Variants in KLHL33 observed in about 807,000 individuals in gnomAD.
KLHL33 encodes kelch-like protein 33.
A neutral mutation model predicts 60.8 loss-of-function variants in KLHL33; 46 were observed. That is an observed-to-expected ratio of 0.76 (90% CI 0.60 to 0.97). The LOEUF (loss-of-function observed/expected upper bound fraction) is 0.97, where lower values mean the gene tolerates loss of function less well. Ranked by LOEUF, KLHL33 falls within the 50% of genes least tolerant of loss-of-function variation. The probability of loss-of-function intolerance (pLI) is 0.00; values close to 1 mark genes in which losing one functional copy is unlikely to be tolerated. For missense variants in KLHL33, 1,055 were observed against 1,000.0 expected (o/e 1.05, Z -0.74); for synonymous variants, 434 against 432.2 (o/e 1.00, Z -0.05).
At position 20,435,689 on chromosome 14, in the gene KLHL33, G is replaced by A. The variant is rs1200296406; in HGVS notation, c.123C>T (p.Pro41=). The change falls in exon 2 of 5, where the codon CCC becomes CCT. Residue 41 remains proline, a synonymous_variant. Transcript: ENST00000636854. ...AQRTPSWPPS[P]DEDPRLPSFP... is the part of the protein sequence containing the mutation. Reference sequence around the variant, plus strand: ...AGGAAGGCAATCTGGGATCCTCGTCGGGGGAGGGAGGCCAGGAAGGGGTTC... The same window carrying A: ...AGGAAGGCAATCTGGGATCCTCGTCAGGGGAGGGAGGCCAGGAAGGGGTTC... 6 of 1,234,758 alleles carry A rather than the reference G, an allele frequency of 4.9e-6. No individual in the cohort carries two copies. The highest frequency in any genetic ancestry group is 6.1e-6 in the Non-Finnish European group (6 of 988,568). The allele number at this position is 1,234,758 out of a possible 1,614,324, so 76.5% of individuals were successfully genotyped here. A position where few individuals can be genotyped will look rare whatever the true frequency, so the allele number is the denominator to read the frequency against.
In KLHL33 at chr14:20,435,559, C is replaced by A; in HGVS notation, c.253G>T (p.Ala85Ser). ...TCGCTGCGCAGCCACTCGGGCTCTG[C>A]CGCATCTTCATCTTCTTCCTCTTCC... ...EEEEEEDEDA[A>S]EPEWLRSEEH... The change falls in exon 2 of 5, where the codon GCA (alanine) becomes TCA (serine). Residue 85 changes from alanine to serine, a missense_variant. By Grantham distance (99) the Ala-to-Ser change is moderately conservative. Coordinates refer to ENST00000636854, the MANE Select transcript of KLHL33 (RefSeq NM_001365790.2). The A allele has an allele frequency of 3.2e-6, 4 of 1,234,838 alleles. No homozygotes were observed. Among genetic ancestry groups the A allele is most frequent in the Non-Finnish European group, 4.0e-6 (4 of 988,508 alleles). The allele number at this position is 1,234,838 out of a possible 1,614,324, so 76.5% of individuals were successfully genotyped here.
rs1205406883 is a variant in KLHL33, at chr14:20,434,471, G to A, written c.748+593C>T. Among the ~76,000 whole-genome samples, 14 of 152,164 alleles carry A rather than the reference G, an allele frequency of 9.2e-5. No individual in the cohort carries two copies. In the East Asian group the frequency reaches 2.5e-3, roughly 27 times the overall value. Reference sequence around the variant, plus strand: ...CAGGACAATCACTTGAACCCAGGAGGTGCAGGTTGCAGTGAGCCAAGATTG... The same window carrying A: ...CAGGACAATCACTTGAACCCAGGAGATGCAGGTTGCAGTGAGCCAAGATTG... On this transcript the variant is annotated intron_variant, in intron 2 of 4. Transcript: ENST00000636854.
At position 20,428,940 on chromosome 14, in the gene KLHL33, C is replaced by T. The variant is rs766184162; in HGVS notation, c.2303G>A (p.Arg768Gln). Residue 768 changes from arginine (R) to glutamine (Q), a missense_variant, in exon 5 of 5, where the codon CGG (arginine) becomes CAG (glutamine). Arg to Gln is a conservative substitution (Grantham distance 43). Transcript: ENST00000636854. Reference protein sequence around the residue: ...WLCLGTLPRPRAEMPACILTL... With the variant: ...WLCLGTLPRPQAEMPACILTL... ...CAGGATGCAGGCAGGCATCTCAGCC[C>T]GAGGCCTTGGCAGAGTTCCCAGGCA... is the stretch of plus-strand genomic sequence containing the variant. The T allele has an allele frequency of 5.2e-6, 8 of 1,551,522 alleles. No individual in the cohort carries two copies. The highest frequency in any genetic ancestry group is 2.7e-5 in the African/African-American group (2 of 73,056).
chr14:20,432,960 A>AAGAAAGAG (rs1880563655), intron 2 of KLHL33, among the ~76,000 whole-genome samples: 3 of 151,530 alleles, frequency 2.0e-5, no homozygotes, highest in African/African-American at 7.3e-5. Flanking sequence ...GAAAGAAAGA[A>AAGAAAGAG]AGAAAGAAAG....
Position 20,429,496 on chromosome 14 carries a change from G to A in KLHL33, c.1841+6C>T. On this transcript the variant is annotated splice_donor_region_variant and intron_variant, in intron 4 of 4. Coordinates refer to ENST00000636854, the MANE Select transcript of KLHL33 (RefSeq NM_001365790.2). The stretch of plus-strand genomic sequence containing the variant: ...ATCTCTCCCAGATGCCCCCTTGCCT[G>A]CTTACCTCCAGACATTGAGCTCAGG... The A allele has an allele frequency of 6.4e-7, 1 of 1,552,068 alleles. No homozygotes were observed. The highest frequency in any genetic ancestry group is 8.7e-7 in the Non-Finnish European group (1 of 1,147,044).
intron 2 of KLHL33, 52 bp from the exon 3 acceptor site, chr14:20,430,771 T>C (rs1880488967): frequency 2.3e-6 from 3 of 1,314,370 alleles, no homozygotes; most frequent in African/African-American, 3.0e-5. Context: ...GCAAGACCGA[T>C]AGGCATTACC....
intron 2 of KLHL33, among the ~76,000 whole-genome samples, chr14:20,431,270 A>G (rs984687655): frequency 2.2e-4 from 34 of 152,170 alleles, no homozygotes; most frequent in African/African-American, 8.2e-4. Flanking sequence ...ATCCAACCTC[A>G]TCGGATTGCT....
At position 20,428,859 on chromosome 14, in the gene KLHL33, G is replaced by C; in HGVS notation, c.2384C>G (p.Pro795Arg). ...ALVPTPHQTK[P>R]AG ...ACTGTTGCTCCCTCTTCACCCAGCA[G>C]GTTTGGTTTGGTGTGGGGTGGGAAC... Residue 795 changes from proline to arginine, a missense_variant, in exon 5 of 5, where the codon CCT becomes CGT. Transcript: ENST00000636854. 6.5e-7 allele frequency: 1 copy of C among 1,550,358 alleles called. No homozygotes were observed. Among genetic ancestry groups the C allele is most frequent in the South Asian group, 1.2e-5 (1 of 84,016 alleles).
chr14:20,430,132 G>T lies in KLHL33; in HGVS notation c.1336C>A (p.Pro446Thr). 1 of 1,551,588 alleles carries T rather than the reference G, an allele frequency of 6.4e-7. No homozygotes were observed. Among genetic ancestry groups the T allele is most frequent in the Non-Finnish European group, 8.7e-7 (1 of 1,147,000 alleles). Residue 446 changes from proline (P) to threonine (T), a missense_variant, in exon 3 of 5, where the codon CCA becomes ACA. Transcript: ENST00000636854. ...TGCAACAGATCTGGGGTCAGGGGTG[G>T]AAGTAGCCCGGCTGCCCGCACCCTC... ...LRRVRAAGLL[P>T]PLTPDLLHQL...
At chr14:20,432,763 A>G (rs1880546577) in intron 2 of KLHL33, among the ~76,000 whole-genome samples, 1 of 152,004 alleles carries the variant, frequency 6.6e-6, no homozygotes, top group Non-Finnish European at 1.5e-5. Context: ...CTCTACAAAA[A>G]ATACAAAAAT....
chr14:20,435,050 C>T lies in KLHL33; in HGVS notation c.748+14G>A, dbSNP rs1376481268. ...TATGCACCTGCAGTAATTTAATGCC[C>T]CACAGGCCCTCACCCGACAGCTGGC... On this transcript the variant is annotated intron_variant, in intron 2 of 4. Transcript: ENST00000636854. 1 of 1,234,472 alleles carries T rather than the reference C, an allele frequency of 8.1e-7. No homozygotes were observed. 76.5% of individuals were successfully genotyped at this position (1,234,472 alleles called of 1,614,324 possible). A position where few individuals can be genotyped will look rare whatever the true frequency, so the allele number is the denominator to read the frequency against.
Position 20,435,334 on chromosome 14 carries a change from C to T in KLHL33, c.478G>A (p.Gly160Ser). The change falls in exon 2 of 5, where the codon GGC (glycine) becomes AGC (serine). Residue 160 changes from glycine (G) to serine (S), a missense_variant. Transcript: ENST00000636854. ...GCAAAGGTCAGCACGGCCTCCCAGC[C>T]CCCTGGGGACACCTCGAGGCTGAAG... The part of the protein sequence containing the change: ...PPFSLEVSPG[G>S]WEAVLTFAYE... 4 of 1,234,320 alleles carry T rather than the reference C, an allele frequency of 3.2e-6. No homozygotes were observed. The highest frequency in any genetic ancestry group is 4.0e-6 in the Non-Finnish European group (4 of 988,132). 76.5% of individuals were successfully genotyped at this position (1,234,320 alleles called of 1,614,324 possible).
Position 20,436,111 on chromosome 14 carries a change from C to T in KLHL33, c.-32G>A, listed in dbSNP as rs1428993243. The stretch of plus-strand genomic sequence containing the variant: ...TCCTTTTAGTCACCCTCAGGAGACA[C>T]CAGCGTTCCGCTTGCCCTCTCACTT... On this transcript the variant is annotated 5_prime_UTR_variant, in exon 1 of 5. In the 5' UTR this introduces an upstream ATG that the reference lacks. Coordinates refer to ENST00000636854, the MANE Select transcript of KLHL33 (RefSeq NM_001365790.2). 3 of 247,178 alleles carry T rather than the reference C, an allele frequency of 1.2e-5. No individual in the cohort carries two copies. Among genetic ancestry groups the T allele is most frequent in the Non-Finnish European group, 2.3e-5 (3 of 130,366 alleles). The allele number at this position is 247,178 out of a possible 1,614,324, so 15.3% of individuals were successfully genotyped here.
chr14:20,430,783 C>G, intron 2 of KLHL33, 64 bp from the exon 3 acceptor site: 1 of 1,190,080 alleles, frequency 8.4e-7, no homozygotes, highest in Non-Finnish European at 1.1e-6. Flanking sequence ...GGCATTACCC[C>G]AACTTGGTAC....
Position 20,429,505 on chromosome 14 carries a change from C to A in KLHL33, c.1838G>T (p.Trp613Leu), listed in dbSNP as rs535379529. ...AGATGCCCCCTTGCCTGCTTACCTC[C>A]AGACATTGAGCTCAGGGTTGTAGGT... ...VETYNPELNV[W>L]RPAPALPAPC... Residue 613 changes from tryptophan to leucine, a missense_variant, in exon 4 of 5, where the codon TGG (tryptophan) becomes TTG (leucine). Trp to Leu is a moderately conservative substitution (Grantham distance 61). Coordinates refer to ENST00000636854, the MANE Select transcript of KLHL33 (RefSeq NM_001365790.2). The A allele has an allele frequency of 6.4e-7, 1 of 1,552,266 alleles. No individual in the cohort carries two copies. The highest frequency in any genetic ancestry group is 1.4e-5 in the African/African-American group (1 of 73,168).
intron 4 of KLHL33, 35 bp downstream of exon 4, chr14:20,429,467 C>T (rs1206850389): frequency 1.9e-6 from 3 of 1,551,304 alleles, no homozygotes; most frequent in African/African-American, 2.7e-5. Flanking sequence ...TTCCAAGTCT[C>T]CTAATCTCTC....
chr14:20,426,991 C>T lies in KLHL33; in HGVS notation c.*1858G>A, dbSNP rs1365191780. 2 of 129,024 alleles carry T rather than the reference C, an allele frequency of 1.6e-5. No homozygotes were observed. Among genetic ancestry groups the T allele is most frequent in the South Asian group, 2.4e-4 (1 of 4,196 alleles). 8.0% of individuals were successfully genotyped at this position (129,024 alleles called of 1,614,324 possible). Reference sequence around the variant, plus strand: ...AGGTGGGAATTGAACAATGAGAACACGTGGACACAGGAAGGGGAACATCAC... The same window carrying T: ...AGGTGGGAATTGAACAATGAGAACATGTGGACACAGGAAGGGGAACATCAC... On this transcript the variant is annotated 3_prime_UTR_variant, in exon 5 of 5. Transcript: ENST00000636854.
rs773501275 is a variant in KLHL33, at chr14:20,435,439, C to T, written c.373G>A (p.Gly125Arg). ...EEVSVAGRVY[G>R]VHRVILAAIS... ...GCGGCCAGGATCACCCGATGCACCC[C>T]GTATACCCGCCCCGCGACTGACACC... Residue 125 changes from glycine (G) to arginine (R), a missense_variant, in exon 2 of 5, where the codon GGG becomes AGG. Gly to Arg is a moderately radical substitution (Grantham distance 125, BLOSUM62 -2). Transcript: ENST00000636854. The T allele has an allele frequency of 3.2e-6, 4 of 1,234,314 alleles. No homozygotes were observed. Among genetic ancestry groups the T allele is most frequent in the Admixed American group, 4.2e-5 (1 of 23,712 alleles). 76.5% of individuals were successfully genotyped at this position (1,234,314 alleles called of 1,614,324 possible).
rs953981464 is a variant in KLHL33 at position 20,435,469 on chromosome 14, C to T, written c.343G>A (p.Glu115Lys). 8.1e-7 allele frequency: 1 copy of T among 1,234,548 alleles called. No homozygotes were observed. The highest frequency in any genetic ancestry group is 1.0e-6 in the Non-Finnish European group (1 of 988,274). 76.5% of individuals were successfully genotyped at this position (1,234,548 alleles called of 1,614,324 possible). A position where few individuals can be genotyped will look rare whatever the true frequency, so the allele number is the denominator to read the frequency against. ...RLREQRLLLD[E>K]EVSVAGRVYG... ...ACCCGCCCCGCGACTGACACCTCTT[C>T]GTCCAGCAACAGTCTCTGCTCCCGC... Residue 115 changes from glutamate (E) to lysine (K), a missense_variant, in exon 2 of 5, where the codon GAA (glutamate) becomes AAA (lysine). Glu to Lys is a moderately conservative substitution (Grantham distance 56). Transcript: ENST00000636854.
Sources: allele counts gnomAD v4.1 joint callset (sites outside exome capture counted in the v4.1 genomes callset), GRCh38; gene constraint gnomAD v4.1.1; transcripts MANE v1.5; gene names NCBI Gene and HGNC (gene_info 2026-07-23, HGNC 2026-07-21).